The following KLHL3 variants were observed in gnomAD, a reference collection of about 807,000 sequenced individuals.
The protein encoded by KLHL3 is kelch-like protein 3.
KLHL3 carries 19 observed loss-of-function variants against 70.5 expected under a neutral mutation model. That is an observed-to-expected ratio of 0.27 (90% CI 0.19 to 0.40). KLHL3 has a LOEUF of 0.40. KLHL3 is among the 10% of genes least tolerant of loss of function. The probability of loss-of-function intolerance (pLI) is 1.00; values close to 1 mark genes in which losing one functional copy is unlikely to be tolerated. For missense variants in KLHL3, 512 were observed against 771.1 expected (o/e 0.66, Z 3.98); for synonymous variants, 258 against 290.3 (o/e 0.89, Z 1.13).
intron 5 of KLHL3, among the ~76,000 whole-genome samples, chr5:137,684,216 T>C (rs1176296242): frequency 1.3e-5 from 2 of 152,228 alleles, no homozygotes. Context: ...TAATAACTCT[T>C]ATACTTAAAT....
At chr5:137,679,506 G>A (rs1287800611) in intron 5 of KLHL3, among the ~76,000 whole-genome samples, 1 of 152,100 alleles carries the variant, frequency 6.6e-6, no homozygotes, top group Admixed American at 6.5e-5. Flanking sequence ...AACAAGAGGA[G>A]GTAAGAAAGT....
At chr5:137,698,453 G>A in intron 3 of KLHL3, 45 bp from the exon 4 acceptor site, 1 of 1,610,192 alleles carries the variant, frequency 6.2e-7, no homozygotes, top group Non-Finnish European at 8.5e-7. Flanking sequence ...GTGGTACCTG[G>A]GATATGTTTA....
chr5:137,674,036 A>T (rs1339175911), intron 6 of KLHL3: 1 of 152,206 alleles, frequency 6.6e-6, no homozygotes. Context: ...TAGGAGCAGT[A>T]CTAGTAGTAA....
chr5:137,723,611 T>G (rs1023188882), intron 1 of KLHL3, among the ~76,000 whole-genome samples: 1 of 152,210 alleles, frequency 6.6e-6, no homozygotes, highest in Non-Finnish European at 1.5e-5. Context: ...TTCCTATTAT[T>G]CCTAACTATT....
chr5:137,692,487 T>C, intron 4 of KLHL3, 40 bp from the exon 5 acceptor site: 1 of 1,599,842 alleles, frequency 6.3e-7, no homozygotes, highest in Non-Finnish European at 8.6e-7. Flanking sequence ...TGGATCCCAC[T>C]GGCAGAGACT....
rs143791788 is a variant in KLHL3 at position 137,628,043 on chromosome 5, C to T, written c.1591+254G>A. 1.1e-3 allele frequency: 546 copies of T among 493,372 alleles called. 2 individuals carry two copies. The highest frequency in any genetic ancestry group is 1.5e-3 in the Non-Finnish European group (397 of 271,494). 30.6% of individuals were successfully genotyped at this position (493,372 alleles called of 1,614,324 possible). ...TCCCAGGTCTGTGCTCATCTGTGTG[C>T]GGTAAAAGTCATCACCCTTCACTGC... On this transcript the variant is annotated intron_variant, in intron 13 of 14. Coordinates refer to ENST00000309755, the MANE Select transcript of KLHL3 (RefSeq NM_017415.3).
intron 4 of KLHL3, among the ~76,000 whole-genome samples, chr5:137,694,181 T>C (rs1752390784): frequency 6.6e-6 from 1 of 151,914 alleles, no homozygotes; most frequent in Admixed American, 6.6e-5. Flanking sequence ...CAAGGAAAGC[T>C]GCTCCTACCC....
intron 2 of KLHL3, among the ~76,000 whole-genome samples, chr5:137,711,804 T>G (rs544031150): frequency 3.3e-5 from 5 of 152,304 alleles, no homozygotes; most frequent in Admixed American, 1.3e-4. Flanking sequence ...TCATTAAATT[T>G]TATTCTAAAA....
intron 2 of KLHL3, 57 bp downstream of exon 2, chr5:137,720,405 CTTG>C (rs1752975681): frequency 1.2e-6 from 2 of 1,606,354 alleles, no homozygotes; most frequent in East Asian, 4.5e-5. Context: ...GTTCTCAGTC[CTTG>C]ATGAAGCTCA....
intron 3 of KLHL3, among the ~76,000 whole-genome samples, chr5:137,708,211 T>G (rs543636150): frequency 5.3e-5 from 8 of 152,228 alleles, no homozygotes; most frequent in African/African-American, 1.9e-4. Context: ...GAGGCACCAC[T>G]CCAAGTTGAG....
At chr5:137,655,993 G>GGA (rs1751332706) in intron 8 of KLHL3, among the ~76,000 whole-genome samples, 1 of 107,936 alleles carries the variant, frequency 9.3e-6, no homozygotes. Context: ...TCTGCCTCAA[G>GGA]AAAAAAAAAA....
chr5:137,664,057 A>T (rs556053565), intron 6 of KLHL3, among the ~76,000 whole-genome samples: 66 of 152,074 alleles, frequency 4.3e-4, no homozygotes, highest in Middle Eastern at 3.4e-3. Context: ...TTTTTTTTTA[A>T]AAATTATAAT....
chr5:137,653,266 T>C (rs1751254993), intron 8 of KLHL3, among the ~76,000 whole-genome samples: 1 of 151,726 alleles, frequency 6.6e-6, no homozygotes, highest in South Asian at 2.1e-4. Flanking sequence ...AAAATAATAA[T>C]TAATTAGTTA....
Position 137,639,948 on chromosome 5 carries a change from G to A in KLHL3, c.933C>T (p.Pro311=), listed in dbSNP as rs1280493172. 2 of 1,614,150 alleles carry A rather than the reference G, an allele frequency of 1.2e-6. No homozygotes were observed. The highest frequency in any genetic ancestry group is 3.3e-5 in the Admixed American group (2 of 60,022). ...KVMIVVGGQA[P]KAIRSVECYD... ...AGCACTCCACACTGCGGATTGCCTT[G>A]GGTGCCTGGCCGCCAACCACAATCA... Residue 311 remains proline (P), a synonymous_variant, in exon 9 of 15, where the codon CCC becomes CCT. Coordinates refer to ENST00000309755, the MANE Select transcript of KLHL3 (RefSeq NM_017415.3). The surrounding 1 kb of genome is among the most constrained non-coding windows in gnomAD (Gnocchi z 5.0).
intron 5 of KLHL3, among the ~76,000 whole-genome samples, chr5:137,682,099 C>T (rs1252758394): frequency 6.6e-6 from 1 of 151,904 alleles, no homozygotes; most frequent in Non-Finnish European, 1.5e-5. Flanking sequence ...TAACACCATT[C>T]TAAGCATTTT....
At chr5:137,668,964 A>T (rs545928310) in intron 6 of KLHL3, among the ~76,000 whole-genome samples, 1 of 152,260 alleles carries the variant, frequency 6.6e-6, no homozygotes, top group East Asian at 1.9e-4. Flanking sequence ...CTAGAAACCT[A>T]CCCAGTTGAA....
chr5:137,729,691 A>T (rs1187934764), intron 1 of KLHL3, among the ~76,000 whole-genome samples: 1 of 152,158 alleles, frequency 6.6e-6, no homozygotes, highest in African/African-American at 2.4e-5. Context: ...CTGGACAGCA[A>T]TGGGACCCTA....
At chr5:137,654,137 T>C (rs191256517) in intron 8 of KLHL3, among the ~76,000 whole-genome samples, 3 of 152,216 alleles carry the variant, frequency 2.0e-5, no homozygotes, top group Non-Finnish European at 2.9e-5. Flanking sequence ...AAACTTTTTG[T>C]AGTGATTAAA....
chr5:137,664,071 G>T (rs1399142030), intron 6 of KLHL3, among the ~76,000 whole-genome samples: 1 of 151,814 alleles, frequency 6.6e-6, no homozygotes, highest in African/African-American at 2.4e-5. Context: ...TTATAATATG[G>T]CCAGGTATGG....
Sources: gnomAD v4.1 joint callset for allele counts (sites outside exome capture counted in the v4.1 genomes callset) on GRCh38, gnomAD v4.1.1 for gene constraint, Gnocchi (gnomAD v3.1) non-coding constraint, MANE v1.5 for transcripts, NCBI Gene and HGNC (gene_info 2026-07-23, HGNC 2026-07-21) for gene names.